RYR2: variants seen among roughly 807,000 people sequenced by gnomAD.
RYR2 encodes cardiac muscle ryanodine receptor-calcium release channel.
In RYR2, 227 loss-of-function variants were observed where a neutral mutation model predicts 601.1. The observed-to-expected ratio is 0.38, with a 90% confidence interval of 0.34 to 0.42. The LOEUF (loss-of-function observed/expected upper bound fraction) is 0.42, where lower values mean the gene tolerates loss of function less well. RYR2 is among the 10% of genes least tolerant of loss of function. RYR2 has a pLI of 1.00. For missense variants in RYR2, 4,646 were observed against 6,156.5 expected, an observed-to-expected ratio of 0.75 and a Z score of 8.21; for synonymous variants, 2,223 against 2,175.1, an observed-to-expected ratio of 1.02 and a Z score of -0.61.
chr1:237,210,516 G>A (rs1444711713), intron 1 of RYR2, among the ~76,000 whole-genome samples: 1 of 152,142 alleles, frequency 6.6e-6, no homozygotes, highest in Non-Finnish European at 1.5e-5. Flanking sequence ...GTGGATGTTG[G>A]ACTGAGTCAG....
intron 4 of RYR2, among the ~76,000 whole-genome samples, chr1:237,363,897 A>G (rs1202735632): frequency 1.3e-5 from 2 of 152,184 alleles, no homozygotes; most frequent in Non-Finnish European, 2.9e-5. Context: ...CGCTCATTGC[A>G]GCATATTAGT....
intron 63 of RYR2, among the ~76,000 whole-genome samples, chr1:237,697,201 CCTT>C (rs75688357): frequency 0.93 from 140,054 of 150,310 alleles, 66,048 homozygotes; most frequent in Non-Finnish European, 1. Flanking sequence ...ACCTGGATCT[CCTT>C]CTCAGATACA....
chr1:237,090,402 CA>C (rs1239827172), intron 1 of RYR2, among the ~76,000 whole-genome samples: 2 of 151,944 alleles, frequency 1.3e-5, no homozygotes, highest in African/African-American at 2.4e-5. Flanking sequence ...ATGAGGGAGG[CA>C]GGGGGATCAG....
intron 25 of RYR2, among the ~76,000 whole-genome samples, chr1:237,537,630 T>C (rs921586838): frequency 6.6e-6 from 1 of 152,110 alleles, no homozygotes; most frequent in African/African-American, 2.4e-5. Flanking sequence ...ATAGTTTTTA[T>C]AGATTCATCT....
intron 17 of RYR2, among the ~76,000 whole-genome samples, chr1:237,470,805 G>C (rs1283724225): frequency 6.6e-6 from 1 of 151,588 alleles, no homozygotes; most frequent in African/African-American, 2.4e-5. Flanking sequence ...GGTTTAATAA[G>C]CAAAAGAAAG....
At chr1:237,775,075 CA>C (rs5781992) in intron 87 of RYR2, among the ~76,000 whole-genome samples, 1,183 of 90,448 alleles carry the variant, frequency 0.013, 10 homozygotes, top group Admixed American at 0.045. Flanking sequence ...CAATAAGAAC[CA>C]AAAAAAAAAA....
intron 1 of RYR2, among the ~76,000 whole-genome samples, chr1:237,148,553 T>TATATATATACATAC (rs71178397): frequency 3.3e-4 from 35 of 105,698 alleles, no homozygotes; most frequent in African/African-American, 1.1e-3. Flanking sequence ...TATATATATA[T>TATATATATACATAC]ACACACACAC....
intron 14 of RYR2, among the ~76,000 whole-genome samples, chr1:237,454,181 G>A (rs1391406213): frequency 6.6e-6 from 1 of 152,254 alleles, no homozygotes; most frequent in African/African-American, 2.4e-5. Flanking sequence ...GTGAGTGGCC[G>A]TGGATACTGC....
intron 27 of RYR2, among the ~76,000 whole-genome samples, chr1:237,564,402 TG>T (rs1559033846): frequency 6.6e-6 from 1 of 152,126 alleles, no homozygotes; most frequent in Non-Finnish European, 1.5e-5. Context: ...CCCAAGTAGC[TG>T]GGATTACAGG....
chr1:237,497,830 G>A (rs927474145), intron 20 of RYR2, among the ~76,000 whole-genome samples: 7 of 152,030 alleles, frequency 4.6e-5, no homozygotes, highest in African/African-American at 4.8e-5. Flanking sequence ...TTGTCTAGAC[G>A]AGAGGAAGCT....
intron 10 of RYR2, among the ~76,000 whole-genome samples, chr1:237,408,633 TCTC>T (rs1370045715): frequency 6.6e-6 from 1 of 152,064 alleles, no homozygotes; most frequent in Non-Finnish European, 1.5e-5. Flanking sequence ...ACTTCGTTCT[TCTC>T]CTTCAATATT....
intron 3 of RYR2, among the ~76,000 whole-genome samples, chr1:237,339,680 G>A (rs980678796): frequency 1.3e-5 from 2 of 152,138 alleles, no homozygotes; most frequent in Non-Finnish European, 2.9e-5. Flanking sequence ...GTTGATCCAA[G>A]CTCTAGGTGA....
At chr1:237,618,513 T>C (rs182842791) in intron 38 of RYR2, among the ~76,000 whole-genome samples, 1 of 152,144 alleles carries the variant, frequency 6.6e-6, no homozygotes, top group Non-Finnish European at 1.5e-5. Context: ...GGATTTTCTT[T>C]TTGCCTCATC....
At chr1:237,694,032 C>T (rs1382609008) in intron 63 of RYR2, among the ~76,000 whole-genome samples, 9 of 152,118 alleles carry the variant, frequency 5.9e-5, no homozygotes, top group African/African-American at 1.7e-4. Flanking sequence ...CGGTGGCTCA[C>T]GCCTGTAATC....
At chr1:237,049,946 G>C (rs1661043668) in intron 1 of RYR2, among the ~76,000 whole-genome samples, 1 of 152,072 alleles carries the variant, frequency 6.6e-6, no homozygotes, top group Admixed American at 6.6e-5. Flanking sequence ...ATGTTTCTGG[G>C]GTTTCCCAGA....
chr1:237,213,915 CTTTTTT>C (rs71180008), intron 1 of RYR2, among the ~76,000 whole-genome samples: 13 of 65,496 alleles, frequency 2.0e-4, no homozygotes, highest in Non-Finnish European at 3.5e-4. Context: ...TTTTCTTTTT[CTTTTTT>C]TTTTTTTTTT....
chr1:237,770,063 T>C (rs1694152864), intron 84 of RYR2, among the ~76,000 whole-genome samples: 1 of 152,186 alleles, frequency 6.6e-6, no homozygotes, highest in Non-Finnish European at 1.5e-5. Context: ...GAGGAACTTC[T>C]GTAACTAGGG....
intron 50 of RYR2, among the ~76,000 whole-genome samples, chr1:237,650,434 T>A (rs1009785437): frequency 2.0e-5 from 3 of 152,158 alleles, no homozygotes; most frequent in Admixed American, 2.0e-4. Flanking sequence ...CCCTTTTGAC[T>A]GTGTTTGATG....
chr1:237,706,336 A>G lies in RYR2; in HGVS notation c.9581-613A>G, dbSNP rs558420242. On this transcript the variant is annotated intron_variant, in intron 67 of 104. Coordinates refer to ENST00000366574, the MANE Select transcript of RYR2 (RefSeq NM_001035.3). The stretch of plus-strand genomic sequence containing the variant: ...AGAGGGAGCCAAAAAGGCTGGGCAC[A>G]TTGATGTTAAGAAAGAAGGGAGTTT... Among the ~76,000 whole-genome samples the G allele has an allele frequency of 4.5e-4, 68 of 152,304 alleles. 1 individual carries two copies. The highest frequency in any genetic ancestry group is 1.5e-3 in the African/African-American group (63 of 41,568).
Sources: allele counts gnomAD v4.1 joint callset (sites outside exome capture counted in the v4.1 genomes callset), GRCh38; gene constraint gnomAD v4.1.1; transcripts MANE v1.5; gene names NCBI Gene and HGNC (gene_info 2026-07-23, HGNC 2026-07-21).